Variants in KY observed in about 807,000 individuals in gnomAD.
The protein encoded by KY is kyphoscoliosis peptidase.
Under a neutral mutation model 76.1 loss-of-function variants are expected in KY, and 43 were observed. The ratio of observed to expected loss-of-function variants is 0.57; its 90% confidence interval spans 0.44 to 0.73. The LOEUF is 0.73. Ranked by LOEUF, KY falls within the 30% of genes least tolerant of loss-of-function variation. KY has a pLI of 0.00. For synonymous variants in KY, 277 were observed against 326.2 expected (o/e 0.85, Z 1.63); for missense variants, 722 against 828.9 (o/e 0.87, Z 1.58).
At chr3:134,643,925 C>T (rs748992493) in intron 2 of KY, among the ~76,000 whole-genome samples, 3 of 151,264 alleles carry the variant, frequency 2.0e-5, no homozygotes, top group East Asian at 3.9e-4. Flanking sequence ...CTCCTGGGTT[C>T]GTGCCATTCT....
intron 4 of KY, among the ~76,000 whole-genome samples, chr3:134,628,269 G>A (rs1336154608): frequency 6.6e-6 from 1 of 152,226 alleles, no homozygotes; most frequent in Non-Finnish European, 1.5e-5. Context: ...GAAAGGTCAG[G>A]TCATAATTAA....
intron 2 of KY, among the ~76,000 whole-genome samples, chr3:134,645,679 C>G (rs1269757056): frequency 6.6e-6 from 1 of 152,186 alleles, no homozygotes; most frequent in African/African-American, 2.4e-5. Context: ...TTTCTGGGCT[C>G]AGGGCCTCTG....
chr3:134,642,577 G>A (rs547973227), intron 3 of KY, among the ~76,000 whole-genome samples: 7 of 152,144 alleles, frequency 4.6e-5, no homozygotes, highest in Non-Finnish European at 8.8e-5. Flanking sequence ...AGTCCCCAGA[G>A]CCTGTCCCCA....
chr3:134,604,556 G>T, intron 10 of KY, 82 bp from the exon 11 acceptor site: 1 of 1,265,618 alleles, frequency 7.9e-7, no homozygotes, highest in Non-Finnish European at 1.1e-6. Flanking sequence ...CTGTCTCCCT[G>T]GGAGAAAAAC....
chr3:134,642,409 G>A (rs1965876318), intron 3 of KY, among the ~76,000 whole-genome samples: 1 of 152,194 alleles, frequency 6.6e-6, no homozygotes, highest in African/African-American at 2.4e-5. Flanking sequence ...TCAGACACCA[G>A]GGCCCAGTAT....
At chr3:134,629,800 C>G (rs1963982702) in intron 3 of KY, 105 bp from the exon 4 acceptor site, 3 of 716,874 alleles carry the variant, frequency 4.2e-6, no homozygotes, top group South Asian at 3.2e-5. Context: ...TTAGAACTTT[C>G]TTTTGTGTGT....
At chr3:134,646,957 G>A (rs1296738566) in intron 2 of KY, among the ~76,000 whole-genome samples, 1 of 152,194 alleles carries the variant, frequency 6.6e-6, no homozygotes, top group African/African-American at 2.4e-5. Context: ...CTGGAAAAAA[G>A]AGGCTTTGGA....
At position 134,624,226 on chromosome 3, in the gene KY, G is replaced by T. The variant is rs183945971; in HGVS notation, c.483+827C>A. On this transcript the variant is annotated intron_variant, in intron 6 of 10. Coordinates refer to ENST00000423778, the MANE Select transcript of KY (RefSeq NM_178554.6). Reference sequence around the variant, plus strand: ...ACTGGTGTTAGAGTTCTTCCCCTCTGCCCCTAGCTCAGGATTGGCCTTTCC... The same window carrying T: ...ACTGGTGTTAGAGTTCTTCCCCTCTTCCCCTAGCTCAGGATTGGCCTTTCC... Among the ~76,000 whole-genome samples the T allele has an allele frequency of 3.3e-3, 501 of 152,172 alleles. 2 individuals are homozygous for T. The highest frequency in any genetic ancestry group is 0.011 in the African/African-American group (466 of 41,516).
intron 3 of KY, among the ~76,000 whole-genome samples, chr3:134,633,747 C>T (rs1348134031): frequency 1.3e-5 from 2 of 152,030 alleles, no homozygotes; most frequent in African/African-American, 4.8e-5. Context: ...CTGGAAGTCC[C>T]ACCCTGTGTA....
intron 7 of KY, among the ~76,000 whole-genome samples, chr3:134,619,559 C>A (rs1489332400): frequency 2.0e-5 from 3 of 152,152 alleles, no homozygotes; most frequent in African/African-American, 7.2e-5. Context: ...TCTGCTAATC[C>A]CCACCACACA....
intron 8 of KY, among the ~76,000 whole-genome samples, chr3:134,613,392 C>A (rs901861118): frequency 1.3e-5 from 2 of 152,154 alleles, no homozygotes; most frequent in Non-Finnish European, 2.9e-5. Flanking sequence ...GCAGCGAGAG[C>A]CTGCCCCAGC....
At chr3:134,637,002 A>G (rs547810946) in intron 3 of KY, among the ~76,000 whole-genome samples, 1 of 152,284 alleles carries the variant, frequency 6.6e-6, no homozygotes, top group East Asian at 1.9e-4. Flanking sequence ...ATTATTTTTC[A>G]TAGAATAACA....
At chr3:134,612,787 G>GTGTGTGTGTGTT (rs1960750785) in intron 8 of KY, among the ~76,000 whole-genome samples, 1 of 151,458 alleles carries the variant, frequency 6.6e-6, no homozygotes, top group Non-Finnish European at 1.5e-5. Flanking sequence ...GTGTGTGTGT[G>GTGTGTGTGTGTT]TGTGTGTGTT....
chr3:134,650,728 T>G, intron 1 of KY, 97 bp downstream of exon 1: 1 of 1,177,516 alleles, frequency 8.5e-7, no homozygotes, highest in Non-Finnish European at 1.2e-6. Flanking sequence ...GCTGACCTCG[T>G]TCGGGGGAGC....
chr3:134,612,111 TC>T (rs1960579041), intron 8 of KY, among the ~76,000 whole-genome samples: 1 of 152,184 alleles, frequency 6.6e-6, no homozygotes, highest in African/African-American at 2.4e-5. Context: ...GTGCTGAGGT[TC>T]CTTAGGGGCT....
rs367557049 is a variant in KY at position 134,611,471 on chromosome 3, G to T, written c.711-1088C>A. On this transcript the variant is annotated intron_variant, in intron 8 of 10. Coordinates refer to ENST00000423778, the MANE Select transcript of KY (RefSeq NM_178554.6). ...GACTGTGCAGACAATTTCACTGCTA[G>T]TCTGACCTAGGGACATCCCATGCTA... Among the ~76,000 whole-genome samples the T allele has an allele frequency of 6.6e-5, 10 of 152,362 alleles. 1 individual carries two copies. The highest frequency in any genetic ancestry group is 2.4e-4 in the African/African-American group (10 of 41,590).
chr3:134,604,911 A>G (rs1040748813), intron 10 of KY, among the ~76,000 whole-genome samples: 6 of 152,144 alleles, frequency 3.9e-5, no homozygotes, highest in East Asian at 1.9e-4. Flanking sequence ...CTAAGTGTCA[A>G]TGCTGTCATG....
intron 1 of KY, among the ~76,000 whole-genome samples, chr3:134,649,907 A>G (rs1372229450): frequency 6.6e-6 from 1 of 152,186 alleles, no homozygotes; most frequent in African/African-American, 2.4e-5. Flanking sequence ...AGGGGAGGAG[A>G]GAGGCAGAAG....
Position 134,650,912 on chromosome 3 carries a change from T to C in KY, c.49A>G (p.Ile17Val). 4 of 1,613,206 alleles carry C rather than the reference T, an allele frequency of 2.5e-6. No homozygotes were observed. The highest frequency in any genetic ancestry group is 3.4e-6 in the Non-Finnish European group (4 of 1,179,490). Residue 17 changes from isoleucine (I) to valine (V), a missense_variant, in exon 1 of 11, where the codon ATC becomes GTC. This residue lies in a region of KY where 170 missense variants were observed against 148.1 expected (regional missense o/e 1.15). Transcript: ENST00000423778. ...GCGCGCCGCTTCTCCGAGTGCACGA[T>C]CAGCAGCATGTCGATAGATACAGCG... ...INAVSIDMLL[I>V]VHSEKRRAAQ...
Sources: gnomAD v4.1 joint callset for allele counts (sites outside exome capture counted in the v4.1 genomes callset) on GRCh38, gnomAD v4.1.1 for gene constraint, gnomAD v4.1.1 regional missense constraint, MANE v1.5 for transcripts, NCBI Gene and HGNC (gene_info 2026-07-23, HGNC 2026-07-21) for gene names.